The following HARBI1 variants were observed in gnomAD, a reference collection of about 807,000 sequenced individuals.
HARBI1 encodes the protein harbinger transposase derived 1.
HARBI1 carries 15 observed loss-of-function variants against 25.3 expected under a neutral mutation model. The observed-to-expected ratio is 0.59, with a 90% confidence interval of 0.40 to 0.91. HARBI1 has a LOEUF of 0.91. Among genes scored for constraint, HARBI1 ranks in the 40% least tolerant of loss-of-function variants. HARBI1 has a pLI of 0.00. For synonymous variants in HARBI1, 168 were observed against 160.5 expected, an observed-to-expected ratio of 1.05 and a Z score of -0.35; for missense variants, 396 against 445.8, an observed-to-expected ratio of 0.89 and a Z score of 1.01.
In HARBI1 at chr11:46,616,266, T is replaced by A. The variant is rs1007399810; in HGVS notation, c.-29A>T. The A allele has an allele frequency of 2.5e-6, 4 of 1,581,592 alleles. No homozygotes were observed. The highest frequency in any genetic ancestry group is 1.7e-6 in the Non-Finnish European group (2 of 1,167,816). On this transcript the variant is annotated 5_prime_UTR_variant, in exon 2 of 3. Coordinates refer to ENST00000326737, the MANE Select transcript of HARBI1 (RefSeq NM_173811.4). ...AAATGTGAATGTTGGCTCTCCTCTT[T>A]GCTTTTTCTGAACTGTTCCCAATGA... is the stretch of plus-strand genomic sequence containing the variant.
chr11:46,617,133 GC>G lies in HARBI1; in HGVS notation c.-155del, dbSNP rs1333288470. The G allele has an allele frequency of 2.4e-6, 1 of 412,900 alleles. No individual in the cohort carries two copies. Among genetic ancestry groups the G allele is most frequent in the Non-Finnish European group, 3.3e-6 (1 of 306,996 alleles). The allele number at this position is 412,900 out of a possible 1,614,324, so 25.6% of individuals were successfully genotyped here. ...CAGGCCCGTCACCCACCTCTCCGCG[GC>G]TGCCAGGTTACCAGCCACACTTCCC... On this transcript the variant is annotated 5_prime_UTR_variant, in exon 1 of 3. Coordinates refer to ENST00000326737, the MANE Select transcript of HARBI1 (RefSeq NM_173811.4).
At position 46,616,337 on chromosome 11, in the gene HARBI1, A is replaced by G; in HGVS notation, c.-100T>C. ...ATTTTTAAGAAAGTATCAGAATCCA[A>G]CAGCTAACCACAGTTAAATGGCTCT... On this transcript the variant is annotated 5_prime_UTR_variant, in exon 2 of 3. Coordinates refer to ENST00000326737, the MANE Select transcript of HARBI1 (RefSeq NM_173811.4). 1 of 1,496,322 alleles carries G rather than the reference A, an allele frequency of 6.7e-7. No individual in the cohort carries two copies. The allele number at this position is 1,496,322 out of a possible 1,614,324, so 92.7% of individuals were successfully genotyped here.
At chr11:46,614,380 C>A (rs922812564) in intron 2 of HARBI1, among the ~76,000 whole-genome samples, 3 of 151,882 alleles carry the variant, frequency 2.0e-5, no homozygotes, top group African/African-American at 7.2e-5. Context: ...GCCAAGATCG[C>A]ACCATTGCAC....
chr11:46,609,082 C>T (rs980905593), intron 2 of HARBI1, among the ~76,000 whole-genome samples: 3 of 151,902 alleles, frequency 2.0e-5, no homozygotes, highest in East Asian at 1.9e-4. Flanking sequence ...TGCCACCACA[C>T]CTGGCTAATT....
At chr11:46,609,595 G>T (rs375037842) in intron 2 of HARBI1, among the ~76,000 whole-genome samples, 12 of 58,466 alleles carry the variant, frequency 2.1e-4, no homozygotes, top group African/African-American at 1.0e-3. Context: ...ATCCACAGAC[G>T]TGAGCCACCA....
intron 2 of HARBI1, among the ~76,000 whole-genome samples, chr11:46,610,117 T>C (rs1183232715): frequency 6.6e-6 from 1 of 151,230 alleles, no homozygotes; most frequent in Admixed American, 6.6e-5. Context: ...CCTCCCAAAG[T>C]GCTGGGATTA....
At chr11:46,607,832 A>G (rs1173535999) in intron 2 of HARBI1, among the ~76,000 whole-genome samples, 1 of 149,908 alleles carries the variant, frequency 6.7e-6, no homozygotes, top group Non-Finnish European at 1.5e-5. Flanking sequence ...GTATATTTAG[A>G]GGGGAATTTA....
chr11:46,616,842 A>C, intron 1 of HARBI1: 1 of 766,502 alleles, frequency 1.3e-6, no homozygotes, highest in Non-Finnish European at 1.6e-6. Flanking sequence ...AAAAAAAAAA[A>C]AAAAAAAAAA....
chr11:46,604,008 C>T (rs2044846622), intron 2 of HARBI1, 99 bp from the exon 3 acceptor site: 2 of 1,453,012 alleles, frequency 1.4e-6, no homozygotes, highest in Admixed American at 5.3e-5. Flanking sequence ...CAAGAAAATA[C>T]AACAGCCTCT....
chr11:46,616,939 C>A, intron 1 of HARBI1, 185 bp downstream of exon 1: 2 of 980,410 alleles, frequency 2.0e-6, no homozygotes, highest in Non-Finnish European at 2.4e-6. Context: ...ACTCCAAGAA[C>A]TCCAAATCGT....
In HARBI1 at chr11:46,610,685, C is replaced by T. The variant is rs140088861; in HGVS notation, c.670+4883G>A. Among the ~76,000 whole-genome samples the T allele has an allele frequency of 9.2e-5, 14 of 152,162 alleles. No homozygotes were observed. The East Asian group carries it at 2.5e-3, about 27-fold the overall frequency. Reference sequence around the variant, plus strand: ...AAAAATAAATAAATAAATAAACATTCGTTAAATGTTGCTACAGTATCCATT... The same window carrying T: ...AAAAATAAATAAATAAATAAACATTTGTTAAATGTTGCTACAGTATCCATT... On this transcript the variant is annotated intron_variant, in intron 2 of 2. Transcript: ENST00000326737.
At chr11:46,608,640 G>C (rs61884261) in intron 2 of HARBI1, among the ~76,000 whole-genome samples, 6 of 148,752 alleles carry the variant, frequency 4.0e-5, no homozygotes, top group Admixed American at 1.3e-4. Context: ...TTTTTTTTTG[G>C]AGATACAGTC....
chr11:46,617,206 A>T lies in HARBI1; in HGVS notation c.-227T>A, dbSNP rs1591282825. ...CCTCCTCCGGAACCGGCGACTGCACAGAGGCCGCCACGGCGCGCAACAGCG... is the reference window on the plus strand; with the variant it reads ...CCTCCTCCGGAACCGGCGACTGCACTGAGGCCGCCACGGCGCGCAACAGCG... On this transcript the variant is annotated 5_prime_UTR_variant, in exon 1 of 3. Transcript: ENST00000326737. The T allele has an allele frequency of 6.0e-6, 1 of 165,948 alleles. No homozygotes were observed. The highest frequency in any genetic ancestry group is 1.9e-4 in the East Asian group (1 of 5,234). The allele number at this position is 165,948 out of a possible 1,614,324, so 10.3% of individuals were successfully genotyped here. A position where few individuals can be genotyped will look rare whatever the true frequency, so the allele number is the denominator to read the frequency against.
At chr11:46,612,228 G>A (rs553831546) in intron 2 of HARBI1, among the ~76,000 whole-genome samples, 2 of 152,086 alleles carry the variant, frequency 1.3e-5, no homozygotes, top group African/African-American at 4.8e-5. Flanking sequence ...TTATGAGCCT[G>A]GGCTGAGGCC....
intron 2 of HARBI1, among the ~76,000 whole-genome samples, chr11:46,613,738 C>T (rs1458136995): frequency 2.0e-5 from 3 of 152,112 alleles, no homozygotes; most frequent in African/African-American, 7.2e-5. Context: ...CCTCCATGGC[C>T]TCACACAGTG....
Position 46,603,302 on chromosome 11 carries a change from T to C in HARBI1, c.*228A>G. On this transcript the variant is annotated 3_prime_UTR_variant, in exon 3 of 3. Coordinates refer to ENST00000326737, the MANE Select transcript of HARBI1 (RefSeq NM_173811.4). ...TAGTGGTACTCAACCTAGAGTTCACTGGATAGTAGGGAGCCGCTGTCTTGG... is the reference window on the plus strand; with the variant it reads ...TAGTGGTACTCAACCTAGAGTTCACCGGATAGTAGGGAGCCGCTGTCTTGG... 1 of 431,808 alleles carries C rather than the reference T, an allele frequency of 2.3e-6. No homozygotes were observed. Among genetic ancestry groups the C allele is most frequent in the Non-Finnish European group, 4.1e-6 (1 of 241,822 alleles). 26.7% of individuals were successfully genotyped at this position (431,808 alleles called of 1,614,324 possible). A position where few individuals can be genotyped will look rare whatever the true frequency, so the allele number is the denominator to read the frequency against.
intron 2 of HARBI1, among the ~76,000 whole-genome samples, chr11:46,613,363 T>C (rs2045257129): frequency 6.6e-6 from 1 of 152,130 alleles, no homozygotes; most frequent in African/African-American, 2.4e-5. Context: ...ATTACTGTGG[T>C]TGGTGTCAGA....
rs995623491 is a variant in HARBI1, at chr11:46,605,654, C to T, written c.671-1745G>A. Reference sequence around the variant, plus strand: ...CCAGGCTGGAGTGCAGTGGTGCAATCTCAGCTCACTGCAACCTCCACCTCC... The same window carrying T: ...CCAGGCTGGAGTGCAGTGGTGCAATTTCAGCTCACTGCAACCTCCACCTCC... On this transcript the variant is annotated intron_variant, in intron 2 of 2. Coordinates refer to ENST00000326737, the MANE Select transcript of HARBI1 (RefSeq NM_173811.4). 3.5e-4 allele frequency among the ~76,000 whole-genome samples: 46 copies of T among 130,258 alleles called. 1 individual carries two copies. Among genetic ancestry groups the T allele is most frequent in the Admixed American group, 1.6e-3 (17 of 10,918 alleles). 85.5% of individuals were successfully genotyped at this position (130,258 alleles called of 152,430 possible). A position where few individuals can be genotyped will look rare whatever the true frequency, so the allele number is the denominator to read the frequency against.
chr11:46,606,358 G>A (rs1458577869), intron 2 of HARBI1, among the ~76,000 whole-genome samples: 3 of 151,738 alleles, frequency 2.0e-5, no homozygotes, highest in Non-Finnish European at 2.9e-5. Flanking sequence ...TGTCGCCCAG[G>A]CTGGAGTGCA....
Sources: gnomAD v4.1 joint callset for allele counts (sites outside exome capture counted in the v4.1 genomes callset) on GRCh38, gnomAD v4.1.1 for gene constraint, MANE v1.5 for transcripts, NCBI Gene and HGNC (gene_info 2026-07-23, HGNC 2026-07-21) for gene names.